The following MMP17 variants were observed in gnomAD, a reference collection of about 807,000 sequenced individuals.
The protein encoded by MMP17 is matrix metallopeptidase 17, also known as matrix metalloproteinase-17.
A neutral mutation model predicts 49.1 loss-of-function variants in MMP17; 54 were observed. The ratio of observed to expected loss-of-function variants is 1.10; its 90% CI spans 0.88 to 1.38. MMP17 has a LOEUF of 1.38. Among genes scored for constraint, MMP17 ranks in the 40% most tolerant of loss-of-function variants. The probability of loss-of-function intolerance (pLI) is 0.00; values close to 1 mark genes in which losing one functional copy is unlikely to be tolerated. For synonymous variants in MMP17, 397 were observed against 383.1 expected (o/e 1.04, Z -0.42); for missense variants, 837 against 853.7 (o/e 0.98, Z 0.24).
chr12:131,834,017 C>T (rs1425740878), intron 1 of MMP17, among the ~76,000 whole-genome samples: 1 of 152,248 alleles, frequency 6.6e-6, no homozygotes, highest in African/African-American at 2.4e-5. Context: ...ACAAGCATGG[C>T]TGAACGGTGA....
At chr12:131,845,857 C>A (rs1167863096) in intron 8 of MMP17, among the ~76,000 whole-genome samples, 2 of 152,156 alleles carry the variant, frequency 1.3e-5, no homozygotes, top group African/African-American at 2.4e-5. Flanking sequence ...GAGGCAGGAG[C>A]AGCCCTGCCG....
rs146374828 is a variant in MMP17, at chr12:131,840,501, G to A, written c.423-72G>A. On this transcript the variant is annotated intron_variant, in intron 3 of 9. Transcript: ENST00000360564. Reference sequence around the variant, plus strand: ...GGGCACCCCCGGGCTGAGGAGGGGCGTTCAGGGAACCTCGGCCTGGGGCAC... The same window carrying A: ...GGGCACCCCCGGGCTGAGGAGGGGCATTCAGGGAACCTCGGCCTGGGGCAC... 1.0e-4 allele frequency: 152 copies of A among 1,500,168 alleles called. No individual in the cohort carries two copies. The East Asian group carries it at 2.9e-3, about 29-fold the overall frequency. 92.9% of individuals were successfully genotyped at this position (1,500,168 alleles called of 1,614,324 possible).
chr12:131,840,218 T>G (rs1373233210), intron 3 of MMP17: 1 of 244,432 alleles, frequency 4.1e-6, no homozygotes, highest in Non-Finnish European at 8.0e-6. Context: ...CTGGCTAGTG[T>G]GAGGGCTGGT....
chr12:131,845,950 C>G (rs1887683504), intron 8 of MMP17, among the ~76,000 whole-genome samples: 1 of 152,186 alleles, frequency 6.6e-6, no homozygotes, highest in Non-Finnish European at 1.5e-5. Flanking sequence ...GGGGCCGTGG[C>G]TGCTAGGGCC....
At chr12:131,837,953 G>A (rs545398403) in intron 1 of MMP17, 14 of 387,374 alleles carry the variant, frequency 3.6e-5, no homozygotes, top group Non-Finnish European at 4.2e-5. Context: ...CTCATGATCC[G>A]CCTGCCTCGG....
At chr12:131,838,512 G>A in intron 2 of MMP17, 100 bp from the exon 3 acceptor site, 2 of 1,491,450 alleles carry the variant, frequency 1.3e-6, no homozygotes, top group South Asian at 2.6e-5. Flanking sequence ...GCGGCTCGGA[G>A]GCTGGTGCCA....
chr12:131,851,434 G>A lies in MMP17; in HGVS notation c.*160G>A. The stretch of plus-strand genomic sequence containing the variant: ...AGAGGGCACTGTCCGCCAGGGCTGG[G>A]CAGGCTCAGGTGGCAAGGACGGAGC... On this transcript the variant is annotated 3_prime_UTR_variant, in exon 10 of 10. Transcript: ENST00000360564. The A allele has an allele frequency of 1.7e-6, 1 of 572,878 alleles. No homozygotes were observed. The highest frequency in any genetic ancestry group is 2.7e-6 in the Non-Finnish European group (1 of 375,948). 35.5% of individuals were successfully genotyped at this position (572,878 alleles called of 1,614,324 possible).
chr12:131,849,469 C>A (rs1159391730), intron 8 of MMP17, among the ~76,000 whole-genome samples: 4 of 152,180 alleles, frequency 2.6e-5, no homozygotes, highest in Admixed American at 2.6e-4. Flanking sequence ...GGTGACACAG[C>A]AAGACTCCGT....
Position 131,849,844 on chromosome 12 carries a change from G to A in MMP17, c.1247G>A (p.Gly416Glu). Reference sequence around the variant, plus strand: ...TTCAAGGACAATAACGTAGAGGAAGGATACCCGCGCCCCGTCTCCGACTTC... The same window carrying A: ...TTCAAGGACAATAACGTAGAGGAAGAATACCCGCGCCCCGTCTCCGACTTC... ...WVFKDNNVEE[G>E]YPRPVSDFSL... The change falls in exon 9 of 10, where the codon GGA becomes GAA. Residue 416 changes from glycine to glutamate, a missense_variant. Gly to Glu is a moderately conservative substitution (Grantham distance 98, BLOSUM62 -2). Coordinates refer to ENST00000360564, the MANE Select transcript of MMP17 (RefSeq NM_016155.7). 6.2e-7 allele frequency: 1 copy of A among 1,613,978 alleles called. No individual in the cohort carries two copies. Among genetic ancestry groups the A allele is most frequent in the South Asian group, 1.1e-5 (1 of 91,088 alleles).
intron 1 of MMP17, among the ~76,000 whole-genome samples, chr12:131,836,142 CAAGGGGCT>C (rs1273597796): frequency 6.6e-6 from 1 of 152,164 alleles, no homozygotes; most frequent in African/African-American, 2.4e-5. Context: ...TTGGCTTCCC[CAAGGGGCT>C]GAGGGGCTGG....
intron 1 of MMP17, among the ~76,000 whole-genome samples, chr12:131,828,861 C>G (rs1023769926): frequency 6.6e-6 from 1 of 152,002 alleles, no homozygotes; most frequent in Non-Finnish European, 1.5e-5. Context: ...CCTGGGGAGG[C>G]GCCGGCTGCC....
At chr12:131,837,812 A>AAG in intron 1 of MMP17, among the ~76,000 whole-genome samples, 1 of 152,136 alleles carries the variant, frequency 6.6e-6, no homozygotes, top group African/African-American at 2.4e-5. Flanking sequence ...CTGGGTTCCC[A>AAG]CCACTCTCCT....
intron 1 of MMP17, among the ~76,000 whole-genome samples, chr12:131,831,690 G>C (rs1028852527): frequency 2.7e-5 from 4 of 149,396 alleles, no homozygotes; most frequent in Admixed American, 2.7e-4. Flanking sequence ...CCTTGGACGT[G>C]GGCTTTGCCA....
chr12:131,844,985 C>T (rs73469994), intron 6 of MMP17, 133 bp from the exon 7 acceptor site: 117,361 of 887,766 alleles, frequency 0.13, 8,719 homozygotes, highest in African/African-American at 0.27. Context: ...TTTAGCAGAC[C>T]TCTAGGCAAG....
chr12:131,837,859 T>C (rs542996404), intron 1 of MMP17, among the ~76,000 whole-genome samples: 16 of 152,284 alleles, frequency 1.1e-4, no homozygotes, highest in Admixed American at 5.2e-4. Flanking sequence ...TACAGGCACC[T>C]GCCACCACAC....
At chr12:131,829,282 G>A (rs115797785) in intron 1 of MMP17, among the ~76,000 whole-genome samples, 4,435 of 152,258 alleles carry the variant, frequency 0.029, 203 homozygotes, top group African/African-American at 0.098. Flanking sequence ...TGAGCCGGGG[G>A]CGCGGGGAGA....
At chr12:131,831,643 C>T (rs1886799870) in intron 1 of MMP17, among the ~76,000 whole-genome samples, 1 of 151,296 alleles carries the variant, frequency 6.6e-6, no homozygotes, top group South Asian at 2.1e-4. Flanking sequence ...CGGTCCCCTT[C>T]TGACAGCCGT....
intron 9 of MMP17, among the ~76,000 whole-genome samples, chr12:131,850,267 G>A (rs1043451932): frequency 6.6e-6 from 1 of 152,084 alleles, no homozygotes; most frequent in African/African-American, 2.4e-5. Context: ...AGCTGCCCTT[G>A]TTCTCCCCGC....
At chr12:131,835,012 A>C (rs1375112557) in intron 1 of MMP17, among the ~76,000 whole-genome samples, 1 of 152,066 alleles carries the variant, frequency 6.6e-6, no homozygotes, top group Non-Finnish European at 1.5e-5. Flanking sequence ...ACCTGTGTCC[A>C]CCCGAAGGCT....
Sources: allele counts gnomAD v4.1 joint callset (sites outside exome capture counted in the v4.1 genomes callset), GRCh38; gene constraint gnomAD v4.1.1; transcripts MANE v1.5; gene names NCBI Gene and HGNC (gene_info 2026-07-23, HGNC 2026-07-21).